SULT1B1: variants seen among roughly 807,000 people sequenced by gnomAD.
SULT1B1 encodes the protein sulfotransferase family 1B member 1, also known as sulfotransferase 1B1.
SULT1B1 carries 28 observed loss-of-function variants against 34.6 expected under a neutral mutation model. That is an observed-to-expected ratio of 0.81 (90% confidence interval 0.60 to 1.11). The LOEUF (loss-of-function observed/expected upper bound fraction) is 1.11. Among genes scored for constraint, SULT1B1 ranks in the 50% least tolerant of loss-of-function variants. The pLI is 0.00. For missense variants in SULT1B1, 374 were observed against 352.2 expected (o/e 1.06, Z -0.50); for synonymous variants, 147 against 110.2 (o/e 1.33, Z -2.09).
At chr4:69,744,642 TG>T (rs1286965320) in intron 4 of SULT1B1, among the ~76,000 whole-genome samples, 1 of 152,178 alleles carries the variant, frequency 6.6e-6, no homozygotes, top group African/African-American at 2.4e-5. Flanking sequence ...ATCTAGCTAG[TG>T]GTATATCTTA....
intron 3 of SULT1B1, 99 bp from the exon 4 acceptor site, chr4:69,749,917 A>T: frequency 2.5e-6 from 2 of 790,648 alleles, no homozygotes; most frequent in South Asian, 3.0e-5. Flanking sequence ...TTTGAGCATT[A>T]TGTAATGCAG....
chr4:69,746,548 A>G (rs1337003705), intron 4 of SULT1B1, among the ~76,000 whole-genome samples: 2 of 152,206 alleles, frequency 1.3e-5, no homozygotes, highest in Admixed American at 1.3e-4. Flanking sequence ...TTTTATTTCC[A>G]GAAGTTCAGT....
At chr4:69,746,158 C>T (rs999263009) in intron 4 of SULT1B1, among the ~76,000 whole-genome samples, 2 of 152,168 alleles carry the variant, frequency 1.3e-5, no homozygotes, top group East Asian at 1.9e-4. Flanking sequence ...ACATTGACCT[C>T]GGCGATCCTC....
At chr4:69,758,011 T>A (rs2110034033) in intron 1 of SULT1B1, among the ~76,000 whole-genome samples, 1 of 152,310 alleles carries the variant, frequency 6.6e-6, no homozygotes, top group Admixed American at 6.5e-5. Context: ...ATATTCAATA[T>A]TTATCTTCTA....
rs958623383 is a variant in SULT1B1 at position 69,730,591 on chromosome 4, A to G, written c.688T>C (p.Phe230Leu). 1 of 1,613,192 alleles carries G rather than the reference A, an allele frequency of 6.2e-7. No homozygotes were observed. Among genetic ancestry groups the G allele is most frequent in the African/African-American group, 1.3e-5 (1 of 74,894 alleles). ...ILDRIIHHTS[F>L]EVMKDNPLVN... ...AAAGGATTGTCCTTCATCACTTCAAATGAGGTGTGATGGATGATCCTATCC... is the reference window on the plus strand; with the variant it reads ...AAAGGATTGTCCTTCATCACTTCAAGTGAGGTGTGATGGATGATCCTATCC... Residue 230 changes from phenylalanine (F) to leucine (L), a missense_variant, in exon 7 of 8, where the codon TTT becomes CTT. Transcript: ENST00000310613.
chr4:69,756,799 G>A (rs1458684358), intron 1 of SULT1B1, among the ~76,000 whole-genome samples: 1 of 152,110 alleles, frequency 6.6e-6, no homozygotes, highest in Non-Finnish European at 1.5e-5. Context: ...TTCAAAGGCA[G>A]TCAGACAGGA....
rs1466381314 is a variant in SULT1B1, at chr4:69,724,461, G to A, written c.*2627C>T. ...GCCATACTGCCCAAGGTCATTTATAGATTCAATGCCATCCCCATTAAGCTA... is the reference window on the plus strand; with the variant it reads ...GCCATACTGCCCAAGGTCATTTATAAATTCAATGCCATCCCCATTAAGCTA... On this transcript the variant is annotated 3_prime_UTR_variant, in exon 8 of 8. Transcript: ENST00000310613. 2 of 152,162 alleles carry A rather than the reference G, an allele frequency of 1.3e-5. No individual in the cohort carries two copies. Among genetic ancestry groups the A allele is most frequent in the Non-Finnish European group, 2.9e-5 (2 of 68,042 alleles). 9.4% of individuals were successfully genotyped at this position (152,162 alleles called of 1,614,324 possible).
intron 4 of SULT1B1, among the ~76,000 whole-genome samples, chr4:69,741,754 T>G (rs1718560406): frequency 6.6e-6 from 1 of 152,206 alleles, no homozygotes; most frequent in South Asian, 2.1e-4. Context: ...TTTGCTGAAG[T>G]TGCTTAACAG....
chr4:69,730,125 C>G (rs1333296435), intron 7 of SULT1B1, among the ~76,000 whole-genome samples: 1 of 151,906 alleles, frequency 6.6e-6, no homozygotes, highest in Non-Finnish European at 1.5e-5. Context: ...GACTATGGTA[C>G]TGTACTAAGT....
At chr4:69,729,404 C>T (rs990685665) in intron 7 of SULT1B1, among the ~76,000 whole-genome samples, 1 of 151,984 alleles carries the variant, frequency 6.6e-6, no homozygotes, top group African/African-American at 2.4e-5. Context: ...CCACATATAG[C>T]AAGGGATGAC....
chr4:69,739,178 G>A (rs1445473444), intron 4 of SULT1B1, among the ~76,000 whole-genome samples: 1 of 152,152 alleles, frequency 6.6e-6, no homozygotes, highest in Non-Finnish European at 1.5e-5. Context: ...GGGGGATGGT[G>A]GCCCTCTTCT....
chr4:69,756,735 A>G (rs1719205956), intron 1 of SULT1B1, among the ~76,000 whole-genome samples: 1 of 152,052 alleles, frequency 6.6e-6, no homozygotes, highest in Non-Finnish European at 1.5e-5. Flanking sequence ...CACCCTACAT[A>G]TCCTGGAATA....
intron 5 of SULT1B1, 144 bp downstream of exon 5, chr4:69,733,994 C>T: frequency 3.2e-6 from 2 of 618,988 alleles, no homozygotes; most frequent in Non-Finnish European, 5.0e-6. Context: ...ATATTAGATG[C>T]ATTAGATTTA....
At chr4:69,743,542 C>T (rs376293829) in intron 4 of SULT1B1, among the ~76,000 whole-genome samples, 10 of 152,280 alleles carry the variant, frequency 6.6e-5, no homozygotes, top group African/African-American at 2.4e-4. Flanking sequence ...GGGCTTCACC[C>T]GGGACCCACC....
intron 6 of SULT1B1, among the ~76,000 whole-genome samples, chr4:69,731,056 A>G (rs895131580): frequency 2.0e-5 from 3 of 152,154 alleles, no homozygotes; most frequent in Admixed American, 6.6e-5. Flanking sequence ...GGGGTCAAAA[A>G]TATTTGGAGA....
chr4:69,749,979 T>C (rs1718916631), intron 3 of SULT1B1, among the ~76,000 whole-genome samples, 161 bp from the exon 4 acceptor site: 1 of 152,168 alleles, frequency 6.6e-6, no homozygotes, highest in South Asian at 2.1e-4. Context: ...GAGTCAGTAT[T>C]GTGTAACATT....
Position 69,755,268 on chromosome 4 carries a change from A to T in SULT1B1, c.-44-7T>A. On this transcript the variant is annotated splice_region_variant and splice_polypyrimidine_tract_variant and intron_variant, in intron 1 of 7. Transcript: ENST00000310613. ...TAATAGATTGACAGTTGTTCTGGAG[A>T]AATATAGAGAATAAAAATCAGAATC... 2 of 1,571,240 alleles carry T rather than the reference A, an allele frequency of 1.3e-6. No individual in the cohort carries two copies. The highest frequency in any genetic ancestry group is 1.7e-6 in the Non-Finnish European group (2 of 1,147,234).
chr4:69,746,217 G>A (rs1399015196), intron 4 of SULT1B1, among the ~76,000 whole-genome samples: 3 of 152,026 alleles, frequency 2.0e-5, no homozygotes, highest in African/African-American at 4.8e-5. Context: ...ATCTTTTTGG[G>A]GTTCTCTGAA....
At chr4:69,756,198 G>A (rs1424133456) in intron 1 of SULT1B1, among the ~76,000 whole-genome samples, 1 of 151,590 alleles carries the variant, frequency 6.6e-6, no homozygotes, top group Non-Finnish European at 1.5e-5. Flanking sequence ...TTTTTTCTTT[G>A]TTTAACATCT....
Sources: allele counts gnomAD v4.1 joint callset (sites outside exome capture counted in the v4.1 genomes callset), GRCh38; gene constraint gnomAD v4.1.1; transcripts MANE v1.5; gene names NCBI Gene and HGNC (gene_info 2026-07-23, HGNC 2026-07-21).